Variants in LPIN1 observed in about 807,000 individuals in gnomAD.
LPIN1 encodes the protein phosphatidate phosphatase LPIN1.
A neutral mutation model predicts 107.5 loss-of-function variants in LPIN1; 71 were observed. The observed-to-expected ratio is 0.66, with a 90% CI of 0.55 to 0.80. LPIN1 has a LOEUF of 0.80. Among genes scored for constraint, LPIN1 ranks in the 30% least tolerant of loss-of-function variants. The probability of loss-of-function intolerance (pLI) is 0.00; values close to 1 mark genes in which losing one functional copy is unlikely to be tolerated. For missense variants in LPIN1, 1,043 were observed against 1,160.6 expected (o/e 0.90, Z 1.47); for synonymous variants, 445 against 452.6 (o/e 0.98, Z 0.21).
chr2:11,725,549 T>G (rs1664553810), intron 1 of LPIN1, among the ~76,000 whole-genome samples: 1 of 152,238 alleles, frequency 6.6e-6, no homozygotes, highest in Admixed American at 6.5e-5. Context: ...CTTGATCCTC[T>G]TTCCCTTTCC....
chr2:11,734,143 A>T (rs1307144631), intron 1 of LPIN1, among the ~76,000 whole-genome samples: 1 of 152,174 alleles, frequency 6.6e-6, no homozygotes. Context: ...TCACATTGCA[A>T]TGTGACATTT....
chr2:11,749,367 G>A (rs971688514), intron 1 of LPIN1, among the ~76,000 whole-genome samples: 1 of 152,112 alleles, frequency 6.6e-6, no homozygotes, highest in African/African-American at 2.4e-5. Context: ...GGGAATCTGT[G>A]CCCCCTAGGA....
At chr2:11,797,120 C>T (rs1351494459) in intron 14 of LPIN1, among the ~76,000 whole-genome samples, 2 of 152,188 alleles carry the variant, frequency 1.3e-5, no homozygotes, top group Non-Finnish European at 2.9e-5. Context: ...ACTAGAAATG[C>T]CCCGCTTTCC....
chr2:11,781,224 A>G (rs1045189541), intron 7 of LPIN1, among the ~76,000 whole-genome samples: 1 of 152,122 alleles, frequency 6.6e-6, no homozygotes, highest in Non-Finnish European at 1.5e-5. Context: ...TTGTGGATCC[A>G]TTTCCTCTCT....
chr2:11,695,140 A>C (rs552853800), intron 1 of LPIN1, among the ~76,000 whole-genome samples: 2 of 152,354 alleles, frequency 1.3e-5, no homozygotes, highest in South Asian at 4.1e-4. Context: ...TTGGTGAACA[A>C]ATCTGCCAAA....
chr2:11,685,809 G>A (rs1661972819), intron 1 of LPIN1, among the ~76,000 whole-genome samples: 1 of 152,150 alleles, frequency 6.6e-6, no homozygotes, highest in African/African-American at 2.4e-5. Flanking sequence ...GAATACACTT[G>A]GTCTTGTTTC....
In LPIN1 at chr2:11,784,782, G is replaced by C. The variant is rs943448069; in HGVS notation, c.1359-104G>C. Reference sequence around the variant, plus strand: ...CATCTGTGCTGAGATGCAGCCGTCTGCGGCTCTGAGGGTGGCCGCGTGCCA... The same window carrying C: ...CATCTGTGCTGAGATGCAGCCGTCTCCGGCTCTGAGGGTGGCCGCGTGCCA... On this transcript the variant is annotated intron_variant, in intron 9 of 20. Transcript: ENST00000674199. 2.9e-6 allele frequency: 3 copies of C among 1,020,662 alleles called. No individual in the cohort carries two copies. In the African/African-American group the frequency reaches 4.7e-5, roughly 16 times the overall value. The allele number at this position is 1,020,662 out of a possible 1,614,324, so 63.2% of individuals were successfully genotyped here.
chr2:11,781,180 C>A (rs1332524795), intron 7 of LPIN1, among the ~76,000 whole-genome samples: 1 of 152,150 alleles, frequency 6.6e-6, no homozygotes, highest in East Asian at 1.9e-4. Flanking sequence ...TCAAGATGGG[C>A]AGCTTTTTGG....
At chr2:11,792,183 G>A in intron 13 of LPIN1, 177 bp downstream of exon 13, 1 of 611,532 alleles carries the variant, frequency 1.6e-6, no homozygotes, top group Non-Finnish European at 3.0e-6. Flanking sequence ...AAGGTGGGGA[G>A]GAAGGTCAGG....
chr2:11,805,251 C>T, intron 17 of LPIN1, 95 bp downstream of exon 17: 1 of 1,003,476 alleles, frequency 1.0e-6, no homozygotes, highest in South Asian at 1.3e-5. Flanking sequence ...CACGGGGTGA[C>T]TTGCAGAGAG....
intron 1 of LPIN1, among the ~76,000 whole-genome samples, chr2:11,740,755 T>G (rs905674546): frequency 2.0e-5 from 3 of 149,176 alleles, no homozygotes; most frequent in Non-Finnish European, 3.0e-5. Flanking sequence ...AGAAAAGATC[T>G]TCTTATCAAT....
intron 1 of LPIN1, among the ~76,000 whole-genome samples, chr2:11,763,554 C>A (rs1374739365): frequency 1.3e-5 from 2 of 152,108 alleles, no homozygotes; most frequent in Admixed American, 1.3e-4. Flanking sequence ...GGGAAGGAAT[C>A]GTTTCTCTCC....
chr2:11,752,433 A>ATTTTTTTTTTTTTTTTT lies in LPIN1; in HGVS notation c.-10+5778_-10+5779insTTTTTTTTTTTTTTTTT, dbSNP rs34156190. On this transcript the variant is annotated intron_variant, in intron 1 of 20. Transcript: ENST00000674199. ...TTTTCTTTTGAGCTGTTCCAAGGCC[A>ATTTTTTTTTTTTTTTTT]TTTTTTTTTTTTTTTTGAGACGGAG... Among the ~76,000 whole-genome samples, 29 of 103,860 alleles carry ATTTTTTTTTTTTTTTTT rather than the reference A, an allele frequency of 2.8e-4. 3 individuals are homozygous for ATTTTTTTTTTTTTTTTT. The highest frequency in any genetic ancestry group is 1.2e-3 in the African/African-American group (22 of 17,696). 68.1% of individuals were successfully genotyped at this position (103,860 alleles called of 152,430 possible). A position where few individuals can be genotyped will look rare whatever the true frequency, so the allele number is the denominator to read the frequency against.
At chr2:11,753,157 G>C (rs1042103222) in intron 1 of LPIN1, among the ~76,000 whole-genome samples, 61 of 152,086 alleles carry the variant, frequency 4.0e-4, no homozygotes, top group African/African-American at 1.4e-3. Context: ...TGCCACCCTG[G>C]AAGCTCACTG....
At chr2:11,784,159 C>T in intron 9 of LPIN1, 1 of 763,958 alleles carries the variant, frequency 1.3e-6, no homozygotes, top group Non-Finnish European at 1.9e-6. Flanking sequence ...CCAAAATTGG[C>T]TGCACGTGCT....
intron 14 of LPIN1, among the ~76,000 whole-genome samples, chr2:11,799,631 AT>A (rs1677337553): frequency 6.6e-6 from 1 of 151,916 alleles, no homozygotes; most frequent in Non-Finnish European, 1.5e-5. Flanking sequence ...GGATCAGGTC[AT>A]TTTACAGATG....
At chr2:11,691,329 A>G (rs572304852) in intron 1 of LPIN1, among the ~76,000 whole-genome samples, 1 of 152,252 alleles carries the variant, frequency 6.6e-6, no homozygotes, top group African/African-American at 2.4e-5. Flanking sequence ...TTCCTGCTTG[A>G]AAGGTTGGGT....
chr2:11,800,432 G>C (rs951110210), intron 14 of LPIN1, among the ~76,000 whole-genome samples: 3 of 152,056 alleles, frequency 2.0e-5, no homozygotes, highest in African/African-American at 7.3e-5. Context: ...TTTTGAGACA[G>C]GGTCTTACTC....
intron 1 of LPIN1, among the ~76,000 whole-genome samples, chr2:11,728,635 C>T (rs1664895105): frequency 2.6e-5 from 4 of 152,162 alleles, no homozygotes; most frequent in Admixed American, 2.6e-4. Flanking sequence ...GTCTGCCTCC[C>T]AAAGTGCTGG....
Sources: allele counts gnomAD v4.1 joint callset (sites outside exome capture counted in the v4.1 genomes callset), GRCh38; gene constraint gnomAD v4.1.1; transcripts MANE v1.5; gene names NCBI Gene and HGNC (gene_info 2026-07-23, HGNC 2026-07-21).